Variants in PCDH15 observed in about 807,000 individuals in gnomAD.
PCDH15 encodes the protein protocadherin-15.
A neutral mutation model predicts 178.5 loss-of-function variants in PCDH15; 129 were observed. The ratio of observed to expected loss-of-function variants is 0.72; its 90% CI spans 0.63 to 0.84. PCDH15 has a LOEUF of 0.84. PCDH15 is among the 40% of genes least tolerant of loss of function. The pLI is 0.00. For missense variants in PCDH15, 2,230 were observed against 2,099.9 expected, an observed-to-expected ratio of 1.06 and a Z score of -1.21; for synonymous variants, 800 against 732.0, an observed-to-expected ratio of 1.09 and a Z score of -1.50.
rs149701475 is a variant in PCDH15 at position 53,806,255 on chromosome 10, TAATC to T, written c.*320_*323del. The T allele has an allele frequency of 1.3e-5, 3 of 226,772 alleles. No individual in the cohort carries two copies. Among genetic ancestry groups the T allele is most frequent in the East Asian group, 1.1e-4 (1 of 9,452 alleles). The allele number at this position is 226,772 out of a possible 1,614,324, so 14.0% of individuals were successfully genotyped here. A position where few individuals can be genotyped will look rare whatever the true frequency, so the allele number is the denominator to read the frequency against. On this transcript the variant is annotated 3_prime_UTR_variant, in exon 38 of 38. Coordinates refer to ENST00000644397, the MANE Select transcript of PCDH15 (RefSeq NM_001384140.1). ...GCTAGAAATAAAGCATAATCTATGT[TAATC>T]AATAAAATATAAATGATTATTTAGT...
chr10:54,022,789 C>A, intron 19 of PCDH15, 103 bp downstream of exon 19: 5 of 1,123,120 alleles, frequency 4.5e-6, no homozygotes, highest in Non-Finnish European at 5.4e-6. Context: ...AATTAAAATC[C>A]AACTTGGTAT....
intron 3 of PCDH15, among the ~76,000 whole-genome samples, chr10:54,397,290 A>C (rs1413727508): frequency 6.6e-6 from 1 of 152,076 alleles, no homozygotes; most frequent in East Asian, 1.9e-4. Flanking sequence ...TTATCCAGAA[A>C]GATATTTTCC....
At chr10:54,344,952 CCTG>C (rs1250617046) in intron 6 of PCDH15, among the ~76,000 whole-genome samples, 1 of 144,168 alleles carries the variant, frequency 6.9e-6, no homozygotes, top group Admixed American at 7.0e-5. Flanking sequence ...TGACCTTCAC[CCTG>C]CTAATAAAAT....
chr10:55,238,953 T>C (rs1015123516), intron 1 of PCDH15, among the ~76,000 whole-genome samples: 2 of 152,122 alleles, frequency 1.3e-5, no homozygotes, highest in African/African-American at 2.4e-5. Context: ...TTTTATTCAT[T>C]CTATATATTT....
chr10:54,156,814 C>T (rs1268659767), intron 13 of PCDH15, among the ~76,000 whole-genome samples: 1 of 152,206 alleles, frequency 6.6e-6, no homozygotes, highest in Non-Finnish European at 1.5e-5. Context: ...AATGGAGATA[C>T]AGGCATTGGG....
Position 54,642,883 on chromosome 10 carries a change from T to C in PCDH15, c.91+21289A>G, listed in dbSNP as rs1433178435. 2.6e-5 allele frequency among the ~76,000 whole-genome samples: 4 copies of C among 152,328 alleles called. No homozygotes were observed. The East Asian group carries it at 7.7e-4, about 29-fold the overall frequency. ...GTTTATTCTTTATAAACGTCTGTTGTAACTCTCCAATGTAAAGAAGGCAAA... is the reference window on the plus strand; with the variant it reads ...GTTTATTCTTTATAAACGTCTGTTGCAACTCTCCAATGTAAAGAAGGCAAA... On this transcript the variant is annotated intron_variant, in intron 2 of 37. Transcript: ENST00000644397.
chr10:55,510,905 G>T (rs1381760586), intron 2 of PCDH15, among the ~76,000 whole-genome samples: 1 of 150,768 alleles, frequency 6.6e-6, no homozygotes, highest in Non-Finnish European at 1.5e-5. Context: ...TCTTTCTACA[G>T]GCTGGAGTGC....
intron 18 of PCDH15, among the ~76,000 whole-genome samples, chr10:54,048,050 C>T (rs2093691300): frequency 6.6e-6 from 1 of 152,080 alleles, no homozygotes; most frequent in East Asian, 1.9e-4. Context: ...TCCCTTTTTT[C>T]CACACCTTTG....
chr10:53,903,545 T>C (rs2082471164), intron 25 of PCDH15, among the ~76,000 whole-genome samples, 175 bp from the exon 26 acceptor site: 1 of 152,174 alleles, frequency 6.6e-6, no homozygotes, highest in Non-Finnish European at 1.5e-5. Context: ...ATGATGCTTC[T>C]GGTATAAAAA....
At chr10:55,124,706 C>G (rs1837854017) in intron 2 of PCDH15, among the ~76,000 whole-genome samples, 1 of 152,042 alleles carries the variant, frequency 6.6e-6, no homozygotes, top group Admixed American at 6.6e-5. Context: ...ACTAGAATTT[C>G]TAGGCAATAT....
rs528457506 is a variant in PCDH15 at position 53,991,688 on chromosome 10, G to A, written c.2868+3961C>T. On this transcript the variant is annotated intron_variant, in intron 21 of 37. Coordinates refer to ENST00000644397, the MANE Select transcript of PCDH15 (RefSeq NM_001384140.1). ...TGTGTCTAGCTCAAGGTTTGTAAACGCACCAATCAGTGCTCTGTGTCTAGT... is the reference window on the plus strand; with the variant it reads ...TGTGTCTAGCTCAAGGTTTGTAAACACACCAATCAGTGCTCTGTGTCTAGT... 7.9e-4 allele frequency among the ~76,000 whole-genome samples: 119 copies of A among 151,364 alleles called. 1 individual carries two copies. Among genetic ancestry groups the A allele is most frequent in the Admixed American group, 2.1e-3 (32 of 15,220 alleles).
intron 5 of PCDH15, among the ~76,000 whole-genome samples, chr10:54,367,309 T>G (rs143487970): frequency 3.5e-4 from 54 of 152,168 alleles, no homozygotes; most frequent in Non-Finnish European, 6.6e-4. Flanking sequence ...CCGACAATAA[T>G]GAGAAATTGC....
chr10:55,314,058 A>T (rs1454831372), intron 1 of PCDH15, among the ~76,000 whole-genome samples: 1 of 151,798 alleles, frequency 6.6e-6, no homozygotes, highest in Non-Finnish European at 1.5e-5. Context: ...CATGATGCAC[A>T]CCCAGTTACT....
rs2044713955 is a variant in PCDH15, at chr10:54,153,153, C to T, written c.1731G>A (p.Arg577=). 1 of 1,613,894 alleles carries T rather than the reference C, an allele frequency of 6.2e-7. No individual in the cohort carries two copies. The highest frequency in any genetic ancestry group is 8.5e-7 in the Non-Finnish European group (1 of 1,179,882). The change falls in exon 14 of 38, where the codon CGG becomes CGA. Residue 577 remains arginine, a synonymous_variant. Transcript: ENST00000644397. ...CTGCTTGGACCGTGAGTGCGTAAGTCCGCCCGACTATCATTTCCACCCCTG... is the reference window on the plus strand; with the variant it reads ...CTGCTTGGACCGTGAGTGCGTAAGTTCGCCCGACTATCATTTCCACCCCTG... ...IAPGVEMIVG[R]TYALTVQAAD...
chr10:54,623,780 A>G (rs890731486), intron 2 of PCDH15, among the ~76,000 whole-genome samples: 1 of 152,098 alleles, frequency 6.6e-6, no homozygotes, highest in Non-Finnish European at 1.5e-5. Context: ...TTTATGAGCA[A>G]TTCTCTGTAA....
chr10:55,596,225 T>A (rs888516883), intron 2 of PCDH15, among the ~76,000 whole-genome samples: 1 of 152,128 alleles, frequency 6.6e-6, no homozygotes, highest in African/African-American at 2.4e-5. Context: ...AACACTTTAT[T>A]GGCTTTGAGA....
In PCDH15 at chr10:53,828,449, A is replaced by T. The variant is rs552638949; in HGVS notation, c.4211+116T>A. 4.5e-6 allele frequency: 4 copies of T among 880,644 alleles called. No individual in the cohort carries two copies. The African/African-American group carries it at 6.7e-5, about 15-fold the overall frequency. 54.6% of individuals were successfully genotyped at this position (880,644 alleles called of 1,614,324 possible). On this transcript the variant is annotated intron_variant, in intron 31 of 37. Transcript: ENST00000644397. Reference sequence around the variant, plus strand: ...TCAAACCAAGAAATAAACTATTACAAACGCAAAACAAGGGAATAAGATGTG... The same window carrying T: ...TCAAACCAAGAAATAAACTATTACATACGCAAAACAAGGGAATAAGATGTG...
chr10:55,136,556 C>A (rs1838202905), intron 2 of PCDH15, among the ~76,000 whole-genome samples: 1 of 151,848 alleles, frequency 6.6e-6, no homozygotes, highest in Non-Finnish European at 1.5e-5. Flanking sequence ...GTGAATGAAC[C>A]ATACTGAATT....
intron 2 of PCDH15, among the ~76,000 whole-genome samples, chr10:54,963,825 G>T (rs1025342217): frequency 6.6e-6 from 1 of 152,178 alleles, no homozygotes; most frequent in African/African-American, 2.4e-5. Flanking sequence ...CCAGGGTGTT[G>T]TTCTAGGTCC....
Sources: gnomAD v4.1 joint callset for allele counts (sites outside exome capture counted in the v4.1 genomes callset) on GRCh38, gnomAD v4.1.1 for gene constraint, MANE v1.5 for transcripts, NCBI Gene and HGNC (gene_info 2026-07-23, HGNC 2026-07-21) for gene names.